Variants in AOAH observed in about 807,000 individuals in gnomAD.
AOAH encodes acyloxyacyl hydrolase, also known as acyloxyacyl hydrolase (neutrophil).
In AOAH, 64 loss-of-function variants were observed where a neutral mutation model predicts 92.2. That is an observed-to-expected ratio of 0.69 (90% CI 0.57 to 0.86). The LOEUF is 0.86. Among genes scored for constraint, AOAH ranks in the 40% least tolerant of loss-of-function variants. AOAH has a pLI of 0.00. For synonymous variants in AOAH, 263 were observed against 254.5 expected (o/e 1.03, Z -0.32); for missense variants, 656 against 694.6 (o/e 0.94, Z 0.62).
chr7:36,721,229 G>A lies in AOAH; in HGVS notation c.127+2793C>T, dbSNP rs192691598. ...CTCCCCTGTGGTCAGGTCACATCGAGGGACTGTTTGATGTGGGAATTCCAA... is the reference window on the plus strand; with the variant it reads ...CTCCCCTGTGGTCAGGTCACATCGAAGGACTGTTTGATGTGGGAATTCCAA... On this transcript the variant is annotated intron_variant, in intron 1 of 20. Coordinates refer to ENST00000617537, the MANE Select transcript of AOAH (RefSeq NM_001637.4). Among the ~76,000 whole-genome samples the A allele has an allele frequency of 3.9e-5, 6 of 152,256 alleles. No individual in the cohort carries two copies. The South Asian group carries it at 6.2e-4, about 16-fold the overall frequency.
At chr7:36,542,019 C>T (rs1032382656) in intron 15 of AOAH, among the ~76,000 whole-genome samples, 1 of 152,092 alleles carries the variant, frequency 6.6e-6, no homozygotes, top group Admixed American at 6.5e-5. Flanking sequence ...TAAATAGTGT[C>T]CCTAAAAATG....
At chr7:36,535,122 G>C (rs1660062754) in intron 16 of AOAH, among the ~76,000 whole-genome samples, 1 of 151,158 alleles carries the variant, frequency 6.6e-6, no homozygotes, top group Non-Finnish European at 1.5e-5. Context: ...GTCTGTGTGT[G>C]TATGTGTCTG....
In AOAH at chr7:36,544,241, G is replaced by A. The variant is rs146068267; in HGVS notation, c.1134-3750C>T. Among the ~76,000 whole-genome samples, 932 of 152,014 alleles carry A rather than the reference G, an allele frequency of 6.1e-3. 1 individual carries two copies. The highest frequency in any genetic ancestry group is 0.029 in the South Asian group (139 of 4,808). On this transcript the variant is annotated intron_variant, in intron 15 of 20. Coordinates refer to ENST00000617537, the MANE Select transcript of AOAH (RefSeq NM_001637.4). ...ATTACAGGCATAAGCCACTGCGCCC[G>A]GCCCCCTGAAAATTTTTCAATGCCA...
chr7:36,649,905 G>A (rs1414245038), intron 4 of AOAH, among the ~76,000 whole-genome samples: 1 of 152,232 alleles, frequency 6.6e-6, no homozygotes, highest in Non-Finnish European at 1.5e-5. Context: ...GTTCCTGCAT[G>A]GCTAAATGCC....
At chr7:36,618,053 G>A (rs1294383229) in intron 10 of AOAH, among the ~76,000 whole-genome samples, 1 of 152,200 alleles carries the variant, frequency 6.6e-6, no homozygotes, top group Non-Finnish European at 1.5e-5. Context: ...TAATCGTCAA[G>A]TAAAAGAGTC....
At chr7:36,721,212 T>C (rs142787289) in intron 1 of AOAH, among the ~76,000 whole-genome samples, 315 of 152,298 alleles carry the variant, frequency 2.1e-3, no homozygotes, top group African/African-American at 7.3e-3. Context: ...CCCTCCCCTG[T>C]GGTCAGGTCA....
At chr7:36,514,193 G>A (rs151120918) in intron 20 of AOAH, among the ~76,000 whole-genome samples, 93 of 152,218 alleles carry the variant, frequency 6.1e-4, no homozygotes, top group East Asian at 4.1e-3. Flanking sequence ...AGAAGGTGGC[G>A]GCTGAGATGA....
chr7:36,702,576 G>C (rs1266982410), intron 1 of AOAH, among the ~76,000 whole-genome samples: 2 of 152,118 alleles, frequency 1.3e-5, no homozygotes, highest in African/African-American at 4.8e-5. Context: ...GCATATAAGA[G>C]TTTTATTTAT....
Position 36,616,502 on chromosome 7 carries a change from T to G in AOAH, c.752-28A>C, listed in dbSNP as rs1401534008. ...AGGCAGCACAATTTATTCACATTAT[T>G]TATGCACTCAAGTAGTTTGGAACCT... On this transcript the variant is annotated intron_variant, in intron 10 of 20. Transcript: ENST00000617537. 2.5e-6 allele frequency: 4 copies of G among 1,595,110 alleles called. No individual in the cohort carries two copies. The South Asian group carries it at 4.4e-5, about 18-fold the overall frequency.
chr7:36,712,459 G>A (rs1384930400), intron 1 of AOAH, among the ~76,000 whole-genome samples: 1 of 152,092 alleles, frequency 6.6e-6, no homozygotes, highest in Non-Finnish European at 1.5e-5. Flanking sequence ...AGAAACACAA[G>A]GATTATTTTC....
intron 2 of AOAH, among the ~76,000 whole-genome samples, chr7:36,676,800 T>C (rs1293199460): frequency 1.3e-5 from 2 of 152,192 alleles, no homozygotes; most frequent in African/African-American, 4.8e-5. Flanking sequence ...AAACAAACCC[T>C]AACATTTAGT....
chr7:36,666,711 A>C (rs1017671546), intron 3 of AOAH, among the ~76,000 whole-genome samples: 1 of 152,120 alleles, frequency 6.6e-6, no homozygotes, highest in Non-Finnish European at 1.5e-5. Context: ...TCAATGCTAC[A>C]AATTTCTGTT....
intron 1 of AOAH, among the ~76,000 whole-genome samples, chr7:36,722,101 C>T (rs1799663164): frequency 6.6e-6 from 1 of 152,156 alleles, no homozygotes; most frequent in South Asian, 2.1e-4. Flanking sequence ...ATCAATCCAC[C>T]ATCCGAATAC....
chr7:36,588,750 C>T (rs1046737602), intron 12 of AOAH, among the ~76,000 whole-genome samples: 9 of 152,148 alleles, frequency 5.9e-5, no homozygotes, highest in Non-Finnish European at 7.4e-5. Context: ...TAACCTTTAA[C>T]GCTTCTATTC....
intron 11 of AOAH, among the ~76,000 whole-genome samples, chr7:36,611,504 T>TTAAG (rs1218805138): frequency 6.6e-6 from 1 of 152,204 alleles, no homozygotes; most frequent in African/African-American, 2.4e-5. Flanking sequence ...ATTTTACTTG[T>TTAAG]TAAGTCTCTA....
chr7:36,616,320 C>T, intron 11 of AOAH, 60 bp downstream of exon 11: 1 of 1,383,498 alleles, frequency 7.2e-7, no homozygotes, highest in Non-Finnish European at 1.0e-6. Context: ...TTAGAGAGAG[C>T]AAGAGGAAAC....
chr7:36,613,863 C>T (rs1791661651), intron 11 of AOAH, among the ~76,000 whole-genome samples: 1 of 152,186 alleles, frequency 6.6e-6, no homozygotes, highest in South Asian at 2.1e-4. Flanking sequence ...TTCAAAACAG[C>T]GCTCTTCATT....
chr7:36,678,415 A>G (rs1648835164), intron 2 of AOAH, among the ~76,000 whole-genome samples: 1 of 152,254 alleles, frequency 6.6e-6, no homozygotes, highest in Admixed American at 6.5e-5. Context: ...GAAAAAAGTT[A>G]AAAGTACTGC....
intron 16 of AOAH, among the ~76,000 whole-genome samples, chr7:36,539,489 C>G (rs907744645): frequency 2.0e-5 from 3 of 152,166 alleles, no homozygotes; most frequent in Non-Finnish European, 4.4e-5. Context: ...GGTCATTTTC[C>G]CATTGTAATA....
Sources: gnomAD v4.1 joint callset for allele counts (sites outside exome capture counted in the v4.1 genomes callset) on GRCh38, gnomAD v4.1.1 for gene constraint, MANE v1.5 for transcripts, NCBI Gene and HGNC (gene_info 2026-07-23, HGNC 2026-07-21) for gene names.